BTBD9: variants seen among roughly 807,000 people sequenced by gnomAD.
BTBD9 encodes the protein BTB domain containing 9.
Under a neutral mutation model 64.3 loss-of-function variants are expected in BTBD9, and 49 were observed. The ratio of observed to expected loss-of-function variants is 0.76; its 90% CI spans 0.61 to 0.97. The LOEUF is 0.97. Ranked by LOEUF, BTBD9 falls within the 50% of genes least tolerant of loss-of-function variation. The pLI is 0.00. For synonymous variants in BTBD9, 260 were observed against 274.7 expected (o/e 0.95, Z 0.53); for missense variants, 598 against 762.1 (o/e 0.78, Z 2.53).
chr6:38,616,669 G>A lies in BTBD9; in HGVS notation c.-27-18548C>T, dbSNP rs879862912. Among the ~76,000 whole-genome samples the A allele has an allele frequency of 4.8e-4, 73 of 152,070 alleles. 3 individuals are homozygous for A. The highest frequency in any genetic ancestry group is 1.0e-4 in the Non-Finnish European group (7 of 68,000). ...CAGGATTCTAAAAGTAGCCAATCGC[G>A]GGGAGGACTGAAAAGAGCGCGCTTT... On this transcript the variant is annotated intron_variant, in intron 1 of 10. Coordinates refer to ENST00000481247, the MANE Select transcript of BTBD9 (RefSeq NM_001099272.2).
intron 6 of BTBD9, among the ~76,000 whole-genome samples, chr6:38,532,904 G>A (rs956667775): frequency 2.0e-5 from 3 of 151,776 alleles, no homozygotes; most frequent in African/African-American, 7.3e-5. Flanking sequence ...ACTTTGTCTT[G>A]CACTTAAGTA....
intron 8 of BTBD9, among the ~76,000 whole-genome samples, chr6:38,272,553 T>G (rs1765232008): frequency 6.6e-6 from 1 of 152,168 alleles, no homozygotes; most frequent in Non-Finnish European, 1.5e-5. Context: ...AACACGTTCT[T>G]CTCAAATAGA....
intron 9 of BTBD9, among the ~76,000 whole-genome samples, chr6:38,201,903 A>G (rs1283745082): frequency 6.6e-6 from 1 of 152,194 alleles, no homozygotes; most frequent in Admixed American, 6.5e-5. Context: ...AAATCTCTAC[A>G]ACGAAAACCA....
At chr6:38,595,719 G>T in intron 2 of BTBD9, 1 of 972,080 alleles carries the variant, frequency 1.0e-6, no homozygotes, top group Non-Finnish European at 1.2e-6. Context: ...GCTTGCCCCA[G>T]AAAAATAGTT....
At chr6:38,451,925 C>T (rs1423773486) in intron 6 of BTBD9, among the ~76,000 whole-genome samples, 4 of 152,104 alleles carry the variant, frequency 2.6e-5, no homozygotes, top group Non-Finnish European at 4.4e-5. Context: ...ATGTGAGCAT[C>T]TTAAGAACTA....
At chr6:38,572,596 A>G (rs900479304) in intron 6 of BTBD9, among the ~76,000 whole-genome samples, 1 of 152,184 alleles carries the variant, frequency 6.6e-6, no homozygotes, top group African/African-American at 2.4e-5. Flanking sequence ...AAATCAGTGG[A>G]ACTGAGTAGG....
intron 7 of BTBD9, among the ~76,000 whole-genome samples, chr6:38,304,703 C>A (rs1762562097): frequency 1.3e-5 from 2 of 152,104 alleles, no homozygotes; most frequent in African/African-American, 4.8e-5. Context: ...AGTGCTAGGA[C>A]TACAGGCATG....
chr6:38,478,472 G>A (rs1015871682), intron 6 of BTBD9, among the ~76,000 whole-genome samples: 8 of 151,936 alleles, frequency 5.3e-5, no homozygotes, highest in East Asian at 3.9e-4. Context: ...TTACATGGCC[G>A]GCAGTGAGGA....
In BTBD9 at chr6:38,334,654, T is replaced by C. The variant is rs7760796; in HGVS notation, c.1264+10330A>G. On this transcript the variant is annotated intron_variant, in intron 7 of 10. Coordinates refer to ENST00000481247, the MANE Select transcript of BTBD9 (RefSeq NM_001099272.2). ...AAATAAATAAAATAATAAAATAAAA[T>C]AAAACAAAACAAAACAAAACAAAAC... 1.4e-3 allele frequency among the ~76,000 whole-genome samples: 193 copies of C among 135,528 alleles called. 1 individual carries two copies. In the South Asian group the frequency reaches 0.027, roughly 19 times the overall value. 88.9% of individuals were successfully genotyped at this position (135,528 alleles called of 152,430 possible).
intron 6 of BTBD9, among the ~76,000 whole-genome samples, chr6:38,352,173 TCGAGAC>T (rs1764544148): frequency 6.6e-6 from 1 of 151,940 alleles, no homozygotes; most frequent in Non-Finnish European, 1.5e-5. Flanking sequence ...GCCTAGGAGT[TCGAGAC>T]CAGCCTGGGC....
At chr6:38,533,356 GGGTATAACAATTATAAATATATT>G (rs1773879734) in intron 6 of BTBD9, among the ~76,000 whole-genome samples, 1 of 152,118 alleles carries the variant, frequency 6.6e-6, no homozygotes, top group Non-Finnish European at 1.5e-5. Context: ...TTCAGTAAGA[GGGTATAACAATTATAAATATATT>G]TGCACCCAAC....
intron 6 of BTBD9, among the ~76,000 whole-genome samples, chr6:38,416,628 G>A (rs1025879539): frequency 5.3e-5 from 8 of 150,910 alleles, no homozygotes; most frequent in African/African-American, 2.0e-4. Flanking sequence ...ACAGGCATGA[G>A]CCACCACGCC....
At chr6:38,211,781 T>G (rs1200531739) in intron 9 of BTBD9, among the ~76,000 whole-genome samples, 3 of 152,236 alleles carry the variant, frequency 2.0e-5, no homozygotes, top group African/African-American at 7.2e-5. Flanking sequence ...TGTCTGATGT[T>G]GAACAGGAAT....
At chr6:38,197,853 T>C (rs1762316399) in intron 9 of BTBD9, among the ~76,000 whole-genome samples, 1 of 152,156 alleles carries the variant, frequency 6.6e-6, no homozygotes, top group Non-Finnish European at 1.5e-5. Flanking sequence ...CACTAAACTG[T>C]ATGCATGACT....
intron 6 of BTBD9, among the ~76,000 whole-genome samples, chr6:38,520,700 A>G (rs1287897240): frequency 6.6e-6 from 1 of 152,150 alleles, no homozygotes; most frequent in Non-Finnish European, 1.5e-5. Flanking sequence ...TGTAAGGCTG[A>G]GGTGGGAGGA....
intron 9 of BTBD9, among the ~76,000 whole-genome samples, chr6:38,217,067 G>A (rs542305060): frequency 2.6e-5 from 4 of 151,654 alleles, no homozygotes; most frequent in Non-Finnish European, 4.4e-5. Flanking sequence ...CCAGCACTTT[G>A]GGAGGCCGAG....
intron 6 of BTBD9, among the ~76,000 whole-genome samples, chr6:38,563,386 C>T (rs951121668): frequency 5.3e-5 from 8 of 152,196 alleles, no homozygotes; most frequent in Non-Finnish European, 1.5e-5. Context: ...ACTCCACTGC[C>T]ACGATCCTTA....
At chr6:38,626,227 T>C (rs1365705211) in intron 1 of BTBD9, among the ~76,000 whole-genome samples, 1 of 152,248 alleles carries the variant, frequency 6.6e-6, no homozygotes, top group Non-Finnish European at 1.5e-5. Flanking sequence ...GATGTTTTGA[T>C]ACCAGCGTGC....
chr6:38,529,458 T>C (rs1446834710), intron 6 of BTBD9, among the ~76,000 whole-genome samples: 3 of 152,088 alleles, frequency 2.0e-5, no homozygotes, highest in African/African-American at 7.2e-5. Context: ...TGGGAAGCCT[T>C]CCCAAGAAGG....
Sources: gnomAD v4.1 joint callset for allele counts (sites outside exome capture counted in the v4.1 genomes callset) on GRCh38, gnomAD v4.1.1 for gene constraint, MANE v1.5 for transcripts, NCBI Gene and HGNC (gene_info 2026-07-23, HGNC 2026-07-21) for gene names.